Variants in CHP1 observed in about 807,000 individuals in gnomAD.
CHP1 encodes the protein calcineurin like EF-hand protein 1.
In CHP1, 11 loss-of-function variants were observed where a neutral mutation model predicts 27.4. That is an observed-to-expected ratio of 0.40 (90% CI 0.25 to 0.67). CHP1 has a LOEUF of 0.67. CHP1 is among the 30% of genes least tolerant of loss of function. CHP1 has a pLI of 0.38. For missense variants in CHP1, 169 were observed against 251.3 expected (o/e 0.67, Z 2.22); for synonymous variants, 89 against 87.4 (o/e 1.02, Z -0.10).
chr15:41,249,190 T>C (rs1351977314), intron 2 of CHP1, among the ~76,000 whole-genome samples: 2 of 152,176 alleles, frequency 1.3e-5, no homozygotes, highest in East Asian at 1.9e-4. Flanking sequence ...TTTTTGGTTT[T>C]TGTTTTTGAG....
chr15:41,277,791 G>GAAAAAA (rs559045538), intron 5 of CHP1, among the ~76,000 whole-genome samples: 2 of 117,940 alleles, frequency 1.7e-5, no homozygotes, highest in African/African-American at 3.3e-5. Flanking sequence ...TCCGCCTCAG[G>GAAAAAA]AAAAAAAAAA....
Position 41,262,117 on chromosome 15 carries a change from C to T in CHP1, c.222-639C>T, listed in dbSNP as rs1233759974. Reference sequence around the variant, plus strand: ...CCGGGAGGCGGAGGTTGCAGTGAGCCGAGGTAGTGCCACTGCATTCCAGCC... The same window carrying T: ...CCGGGAGGCGGAGGTTGCAGTGAGCTGAGGTAGTGCCACTGCATTCCAGCC... On this transcript the variant is annotated intron_variant, in intron 3 of 6. Coordinates refer to ENST00000334660, the MANE Select transcript of CHP1 (RefSeq NM_007236.5). 5.3e-5 allele frequency among the ~76,000 whole-genome samples: 8 copies of T among 151,630 alleles called. No homozygotes were observed. In the South Asian group the frequency reaches 1.3e-3, roughly 24 times the overall value.
intron 3 of CHP1, among the ~76,000 whole-genome samples, chr15:41,260,855 C>T (rs1369441693): frequency 6.6e-6 from 1 of 152,016 alleles, no homozygotes; most frequent in Non-Finnish European, 1.5e-5. Flanking sequence ...ATACAGTTAT[C>T]TGAAAAGCAT....
At position 41,233,277 on chromosome 15, in the gene CHP1, G is replaced by T. The variant is rs550123930; in HGVS notation, c.67+1828G>T. On this transcript the variant is annotated intron_variant, in intron 1 of 6. Coordinates refer to ENST00000334660, the MANE Select transcript of CHP1 (RefSeq NM_007236.5). ...ATGGAGAAATAAGCAGAATCAAAGA[G>T]AAATAAATATAGAGTCACATAATGA... is the stretch of plus-strand genomic sequence containing the variant. Among the ~76,000 whole-genome samples the T allele has an allele frequency of 5.9e-5, 9 of 152,264 alleles. No homozygotes were observed. The East Asian group carries it at 1.7e-3, about 29-fold the overall frequency.
At chr15:41,278,964 G>A (rs1191238504) in intron 6 of CHP1, 75 bp downstream of exon 6, 1 of 1,585,544 alleles carries the variant, frequency 6.3e-7, no homozygotes, top group African/African-American at 1.3e-5. Flanking sequence ...TGTAATCCCA[G>A]CACTTTAGGA....
intron 1 of CHP1, among the ~76,000 whole-genome samples, chr15:41,232,262 G>A (rs1255584351): frequency 6.7e-6 from 1 of 149,000 alleles, no homozygotes; most frequent in Non-Finnish European, 1.5e-5. Flanking sequence ...CCAGGCTGGA[G>A]TGCAGTGGCG....
intron 5 of CHP1, among the ~76,000 whole-genome samples, chr15:41,272,629 C>G (rs2047496029): frequency 6.6e-6 from 1 of 152,012 alleles, no homozygotes; most frequent in Non-Finnish European, 1.5e-5. Flanking sequence ...CCATGTTGAC[C>G]AGGCTGGTCT....
Position 41,270,621 on chromosome 15 carries a change from A to G in CHP1, c.411+3A>G. The G allele has an allele frequency of 6.2e-7, 1 of 1,611,468 alleles. No individual in the cohort carries two copies. Among genetic ancestry groups the G allele is most frequent in the Non-Finnish European group, 8.5e-7 (1 of 1,177,572 alleles). On this transcript the variant is annotated splice_donor_region_variant and intron_variant, in intron 5 of 6. Coordinates refer to ENST00000334660, the MANE Select transcript of CHP1 (RefSeq NM_007236.5). ...TCTCCCGTGATGAGCTGTTACAGGTATGTGGAGAGCTCCTCGAGAACTTGT... is the reference window on the plus strand; with the variant it reads ...TCTCCCGTGATGAGCTGTTACAGGTGTGTGGAGAGCTCCTCGAGAACTTGT...
chr15:41,254,672 GT>G (rs2047389328), intron 2 of CHP1, among the ~76,000 whole-genome samples: 1 of 152,222 alleles, frequency 6.6e-6, no homozygotes, highest in Non-Finnish European at 1.5e-5. Flanking sequence ...AGAGCTTTGT[GT>G]TCAGTCCACT....
Position 41,262,672 on chromosome 15 carries a change from T to A in CHP1, c.222-84T>A, listed in dbSNP as rs1252964547. The A allele has an allele frequency of 3.2e-6, 5 of 1,549,454 alleles. No homozygotes were observed. In the African/African-American group the frequency reaches 6.8e-5, roughly 21 times the overall value. ...AAATGACCTTTCAGGCTACCGTAGC[T>A]AAAGCTGTTGCCAGTATATTTAATT... On this transcript the variant is annotated intron_variant, in intron 3 of 6. Coordinates refer to ENST00000334660, the MANE Select transcript of CHP1 (RefSeq NM_007236.5).
In CHP1 at chr15:41,281,791, G is replaced by T. The variant is rs1191608060; in HGVS notation, c.*2402G>T. ...AGGTTATAGATTTTCCCCCCTTTTG[G>T]CTGTATAGCAAAGTGTTTTAATCCA... On this transcript the variant is annotated 3_prime_UTR_variant, in exon 7 of 7. Coordinates refer to ENST00000334660, the MANE Select transcript of CHP1 (RefSeq NM_007236.5). 6.6e-6 allele frequency: 1 copy of T among 152,570 alleles called. No individual in the cohort carries two copies. The highest frequency in any genetic ancestry group is 2.4e-5 in the African/African-American group (1 of 41,430). 9.5% of individuals were successfully genotyped at this position (152,570 alleles called of 1,614,324 possible).
chr15:41,247,530 G>A (rs2047341566), intron 2 of CHP1, among the ~76,000 whole-genome samples: 1 of 151,844 alleles, frequency 6.6e-6, no homozygotes, highest in African/African-American at 2.4e-5. Context: ...AAATTAACCA[G>A]GTGTGGTGGC....
At chr15:41,274,003 C>T (rs946997384) in intron 5 of CHP1, among the ~76,000 whole-genome samples, 3 of 150,030 alleles carry the variant, frequency 2.0e-5, no homozygotes, top group Admixed American at 6.7e-5. Flanking sequence ...CTCTGTCGCT[C>T]GGGCTGGAGT....
rs1187259719 is a variant in CHP1, at chr15:41,254,611, AATT to A, written c.141-2294_141-2292del. On this transcript the variant is annotated intron_variant, in intron 2 of 6. Coordinates refer to ENST00000334660, the MANE Select transcript of CHP1 (RefSeq NM_007236.5). ...TCTTCTGGTTCATGCATTGATATAA[AATT>A]ATTACACTAAATGGTCAAGAAGGAC... is the stretch of plus-strand genomic sequence containing the variant. 1.9e-4 allele frequency among the ~76,000 whole-genome samples: 29 copies of A among 152,178 alleles called. 1 individual carries two copies. The highest frequency in any genetic ancestry group is 5.8e-4 in the African/African-American group (24 of 41,446).
Position 41,278,832 on chromosome 15 carries a change from C to A in CHP1, c.477C>A (p.Thr159=). 6.2e-7 allele frequency: 1 copy of A among 1,614,144 alleles called. No individual in the cohort carries two copies. ...DEQLGSIADR[T]IQEADQDGDS... ...AGCTGGGCAGCATCGCAGACAGGAC[C>A]ATTCAGGAGGCTGATCAGGATGGGG... Residue 159 remains threonine, a synonymous_variant, in exon 6 of 7, where the codon ACC becomes ACA. Transcript: ENST00000334660.
chr15:41,267,376 A>C (rs115355011), intron 4 of CHP1, among the ~76,000 whole-genome samples: 2,725 of 152,094 alleles, frequency 0.018, 33 homozygotes, highest in African/African-American at 0.031. Flanking sequence ...AAAAAAAAAG[A>C]AGCAGCCGGG....
At chr15:41,272,876 G>A (rs1184561883) in intron 5 of CHP1, among the ~76,000 whole-genome samples, 1 of 151,842 alleles carries the variant, frequency 6.6e-6, no homozygotes, top group Non-Finnish European at 1.5e-5. Context: ...GTGAAACCCC[G>A]TCTCCCCTGT....
intron 5 of CHP1, among the ~76,000 whole-genome samples, chr15:41,275,089 A>G (rs1292569459): frequency 1.3e-5 from 2 of 151,822 alleles, no homozygotes; most frequent in African/African-American, 4.8e-5. Flanking sequence ...CATCCGGTGC[A>G]TTGTCTCTTT....
chr15:41,267,282 A>G (rs910878409), intron 4 of CHP1, among the ~76,000 whole-genome samples: 12 of 152,068 alleles, frequency 7.9e-5, no homozygotes, highest in African/African-American at 2.7e-4. Context: ...TGCTTGCACA[A>G]CAGTGTGAAA....
Sources: allele counts gnomAD v4.1 joint callset (sites outside exome capture counted in the v4.1 genomes callset), GRCh38; gene constraint gnomAD v4.1.1; transcripts MANE v1.5; gene names NCBI Gene and HGNC (gene_info 2026-07-23, HGNC 2026-07-21).